HERC6: variants seen among roughly 807,000 people sequenced by gnomAD.
HERC6 encodes probable E3 ubiquitin-protein ligase HERC6.
HERC6 carries 101 observed loss-of-function variants against 114.5 expected under a neutral mutation model. That is an observed-to-expected ratio of 0.88 (90% confidence interval 0.75 to 1.04). HERC6 has a LOEUF of 1.04. Ranked by LOEUF, HERC6 falls within the 50% of genes least tolerant of loss-of-function variation. The probability of loss-of-function intolerance (pLI) is 0.00; values close to 1 mark genes in which losing one functional copy is unlikely to be tolerated. For synonymous variants in HERC6, 408 were observed against 436.2 expected (o/e 0.94, Z 0.81); for missense variants, 1,133 against 1,230.9 (o/e 0.92, Z 1.19).
intron 8 of HERC6, among the ~76,000 whole-genome samples, chr4:88,401,165 T>C (rs1735513948): frequency 6.6e-6 from 1 of 152,130 alleles, no homozygotes; most frequent in Non-Finnish European, 1.5e-5. Context: ...GTGAAGAGAA[T>C]AGAGAACTGC....
rs1733990856 is a variant in HERC6 at position 88,378,866 on chromosome 4, G to A, written c.-56G>A. The A allele has an allele frequency of 2.0e-6, 3 of 1,468,366 alleles. No homozygotes were observed. In the Admixed American group the frequency reaches 6.8e-5, roughly 33 times the overall value. 91.0% of individuals were successfully genotyped at this position (1,468,366 alleles called of 1,614,324 possible). ...CGCACCCAGTCACCAGCGTTCGGGAGCCTGTCGCAGCGGGACCGACGGAAT... is the reference window on the plus strand; with the variant it reads ...CGCACCCAGTCACCAGCGTTCGGGAACCTGTCGCAGCGGGACCGACGGAAT... On this transcript the variant is annotated 5_prime_UTR_variant, in exon 1 of 23. Transcript: ENST00000264346.
chr4:88,382,184 AAACAAAAT>A (rs1230798876), intron 1 of HERC6, among the ~76,000 whole-genome samples: 32 of 152,220 alleles, frequency 2.1e-4, no homozygotes, highest in African/African-American at 7.0e-4. Flanking sequence ...ATAAAAGGAA[AAACAAAAT>A]CTTAAATGTT....
chr4:88,381,627 G>A (rs951340191), intron 1 of HERC6, among the ~76,000 whole-genome samples: 4 of 144,138 alleles, frequency 2.8e-5, no homozygotes, highest in Non-Finnish European at 6.0e-5. Flanking sequence ...GCACTATCTC[G>A]GCTCACTGCA....
rs539883748 is a variant in HERC6 at position 88,383,698 on chromosome 4, G to A, written c.359+318G>A. On this transcript the variant is annotated intron_variant, in intron 2 of 22. Transcript: ENST00000264346. ...GAATCGCTTGAACCTGGGAGGCAGA[G>A]GTTGCAGTGGTGCTGGGACAGCGCC... Among the ~76,000 whole-genome samples, 3 of 141,434 alleles carry A rather than the reference G, an allele frequency of 2.1e-5. No individual in the cohort carries two copies. The South Asian group carries it at 7.1e-4, about 34-fold the overall frequency. The allele number at this position is 141,434 out of a possible 152,430, so 92.8% of individuals were successfully genotyped here.
rs1280038110 is a variant in HERC6, at chr4:88,442,414, T to TCAA, written c.3032_3034dup (p.Asn1011dup). The TCAA allele has an allele frequency of 6.2e-7, 1 of 1,614,024 alleles. No individual in the cohort carries two copies. Among genetic ancestry groups the TCAA allele is most frequent in the Non-Finnish European group, 8.5e-7 (1 of 1,179,980 alleles). Reference sequence around the variant, plus strand: ...ATGGAGGAAGCACTTCAAGTAGCCATCAACAACAACAGAGGATTTGTCTCA... The same window carrying TCAA: ...ATGGAGGAAGCACTTCAAGTAGCCATCAACAACAACAACAGAGGATTTGTCTCA... On this transcript the variant is annotated inframe_insertion, in exon 23 of 23. Coordinates refer to ENST00000264346, the MANE Select transcript of HERC6 (RefSeq NM_017912.4).
intron 5 of HERC6, among the ~76,000 whole-genome samples, chr4:88,395,409 T>C (rs893471511): frequency 3.3e-5 from 5 of 152,174 alleles, no homozygotes; most frequent in Non-Finnish European, 2.9e-5. Flanking sequence ...ACCTAATTCT[T>C]TCTTTTTCCA....
At chr4:88,414,132 C>A (rs1213126321) in intron 12 of HERC6, among the ~76,000 whole-genome samples, 1 of 152,034 alleles carries the variant, frequency 6.6e-6, no homozygotes, top group African/African-American at 2.4e-5. Flanking sequence ...ATCAGCATAC[C>A]AGGGTGCCAT....
intron 22 of HERC6, among the ~76,000 whole-genome samples, chr4:88,441,866 C>T (rs1173002286): frequency 6.6e-6 from 1 of 152,212 alleles, no homozygotes; most frequent in Admixed American, 6.5e-5. Flanking sequence ...CTTGAAAGCT[C>T]AGCCAAATCC....
Position 88,442,661 on chromosome 4 carries a change from G to A in HERC6, c.*201G>A. The A allele has an allele frequency of 1.7e-6, 1 of 592,748 alleles. No individual in the cohort carries two copies. Among genetic ancestry groups the A allele is most frequent in the South Asian group, 2.0e-5 (1 of 49,588 alleles). 36.7% of individuals were successfully genotyped at this position (592,748 alleles called of 1,614,324 possible). ...GGCAGGAGAATAGGGTACAGAGATAGGGATCTAAGGATGACTTGGACACAC... is the reference window on the plus strand; with the variant it reads ...GGCAGGAGAATAGGGTACAGAGATAAGGATCTAAGGATGACTTGGACACAC... On this transcript the variant is annotated 3_prime_UTR_variant, in exon 23 of 23. Coordinates refer to ENST00000264346, the MANE Select transcript of HERC6 (RefSeq NM_017912.4).
chr4:88,435,939 T>G (rs1738691252), intron 18 of HERC6, 48 bp downstream of exon 18: 1 of 1,390,574 alleles, frequency 7.2e-7, no homozygotes, highest in African/African-American at 1.5e-5. Context: ...TAAGTCTCAG[T>G]TGTTTAGGCA....
At chr4:88,400,937 A>G (rs937331096) in intron 8 of HERC6, among the ~76,000 whole-genome samples, 4 of 152,102 alleles carry the variant, frequency 2.6e-5, no homozygotes, top group Admixed American at 6.5e-5. Flanking sequence ...TCCCCCATGG[A>G]TAAGGGGGGA....
At chr4:88,419,641 A>C (rs756063278) in intron 13 of HERC6, among the ~76,000 whole-genome samples, 20 of 152,192 alleles carry the variant, frequency 1.3e-4, no homozygotes, top group Admixed American at 5.2e-4. Flanking sequence ...GATTCTGAGA[A>C]ATTCTTAAGT....
At chr4:88,406,723 A>G (rs1735828498) in intron 10 of HERC6, among the ~76,000 whole-genome samples, 1 of 152,194 alleles carries the variant, frequency 6.6e-6, no homozygotes. Context: ...CAGTTAATCT[A>G]GCAAGGAGAA....
rs759192325 is a variant in HERC6 at position 88,435,700 on chromosome 4, T to G, written c.2251-25T>G. 8.5e-6 allele frequency: 12 copies of G among 1,416,828 alleles called. No individual in the cohort carries two copies. The African/African-American group carries it at 1.3e-4, about 16-fold the overall frequency. The allele number at this position is 1,416,828 out of a possible 1,614,324, so 87.8% of individuals were successfully genotyped here. ...GTATTACTAATTATTTATAATACCT[T>G]AGGGATTTTTTTCTTCTTTTCTAGC... On this transcript the variant is annotated intron_variant, in intron 17 of 22. Coordinates refer to ENST00000264346, the MANE Select transcript of HERC6 (RefSeq NM_017912.4).
intron 3 of HERC6, 132 bp downstream of exon 3, chr4:88,385,707 T>C (rs1348215678): frequency 5.2e-6 from 3 of 571,934 alleles, no homozygotes; most frequent in Admixed American, 7.5e-5. Context: ...AGATATATTG[T>C]TTTCCTATTT....
At chr4:88,438,818 GCT>G (rs1442460885) in intron 20 of HERC6, among the ~76,000 whole-genome samples, 3 of 152,196 alleles carry the variant, frequency 2.0e-5, no homozygotes, top group African/African-American at 7.2e-5. Context: ...TTTTCAGAGA[GCT>G]GGTTGTTAGA....
At chr4:88,406,260 C>T (rs1379288292) in intron 10 of HERC6, among the ~76,000 whole-genome samples, 4 of 152,252 alleles carry the variant, frequency 2.6e-5, no homozygotes, top group Admixed American at 1.3e-4. Context: ...TAGTGTAACT[C>T]ATATGGGTTC....
chr4:88,433,772 C>A (rs1738474635), intron 17 of HERC6, among the ~76,000 whole-genome samples: 1 of 152,194 alleles, frequency 6.6e-6, no homozygotes, highest in South Asian at 2.1e-4. Flanking sequence ...TGAACTAAGG[C>A]ATATTTATTA....
intron 13 of HERC6, among the ~76,000 whole-genome samples, chr4:88,417,951 A>G (rs1030079492): frequency 3.9e-5 from 6 of 152,098 alleles, no homozygotes; most frequent in Non-Finnish European, 8.8e-5. Flanking sequence ...ATTTCTTAAA[A>G]AAAAAAAAAA....
Sources: gnomAD v4.1 joint callset for allele counts (sites outside exome capture counted in the v4.1 genomes callset) on GRCh38, gnomAD v4.1.1 for gene constraint, MANE v1.5 for transcripts, NCBI Gene and HGNC (gene_info 2026-07-23, HGNC 2026-07-21) for gene names.